The following TIMP4 variants were observed in gnomAD, a reference collection of about 807,000 sequenced individuals.
TIMP4 encodes metalloproteinase inhibitor 4.
A neutral mutation model predicts 27.3 loss-of-function variants in TIMP4; 28 were observed. The observed-to-expected ratio is 1.03, with a 90% CI of 0.76 to 1.41. The LOEUF (loss-of-function observed/expected upper bound fraction) is 1.41, where lower values mean the gene tolerates loss of function less well. Among genes scored for constraint, TIMP4 ranks in the 40% most tolerant of loss-of-function variants. TIMP4 has a pLI of 0.00. For synonymous variants in TIMP4, 138 were observed against 115.5 expected (o/e 1.20, Z -1.25); for missense variants, 307 against 285.5 (o/e 1.08, Z -0.54).
At chr3:12,154,848 G>A (rs1486188125) in intron 3 of TIMP4, among the ~76,000 whole-genome samples, 2 of 122,182 alleles carry the variant, frequency 1.6e-5, no homozygotes, top group African/African-American at 2.8e-5. Context: ...ATGAGAGATT[G>A]TCTATAAAGT....
At chr3:12,155,568 G>T (rs1411944182) in intron 3 of TIMP4, among the ~76,000 whole-genome samples, 1 of 152,168 alleles carries the variant, frequency 6.6e-6, no homozygotes, top group African/African-American at 2.4e-5. Flanking sequence ...AAAGTGAGGG[G>T]CTGGGAACTG....
Position 12,156,876 on chromosome 3 carries a change from G to A in TIMP4, c.296C>T (p.Ser99Phe). 6.2e-7 allele frequency: 1 copy of A among 1,614,224 alleles called. No individual in the cohort carries two copies. The change falls in exon 3 of 5, where the codon TCT (serine) becomes TTT (phenylalanine). Residue 99 changes from serine (S) to phenylalanine (F), a missense_variant. Transcript: ENST00000287814. ...TTCTAGTTTCACACCACAGAGGGAA[G>A]AGTCAAAAGGCGTATAGATATACTG... ...DVQYIYTPFDSSLCGVKLEAN... is the reference protein window; with the variant it reads ...DVQYIYTPFDFSLCGVKLEAN...
chr3:12,156,840 T>A lies in TIMP4; in HGVS notation c.332A>T (p.Gln111Leu). The A allele has an allele frequency of 6.2e-7, 1 of 1,614,186 alleles. No homozygotes were observed. Among genetic ancestry groups the A allele is most frequent in the Admixed American group, 1.7e-5 (1 of 60,034 alleles). ...LCGVKLEANS[Q>L]KQYLLTGQVL... is the part of the protein sequence containing the mutation. ...CTTACCAGTCAAGAGATACTGCTTC[T>A]GGCTGTTGGCTTCTAGTTTCACACC... Residue 111 changes from glutamine (Q) to leucine (L), a missense_variant, in exon 3 of 5, where the codon CAG becomes CTG. Transcript: ENST00000287814.
chr3:12,157,074 C>T (rs1697480179), intron 2 of TIMP4, 140 bp from the exon 3 acceptor site: 1 of 654,708 alleles, frequency 1.5e-6, no homozygotes, highest in South Asian at 2.0e-5. Context: ...GATGTCCCTA[C>T]TGGGTTATTT....
chr3:12,157,824 G>A (rs1378853553), intron 1 of TIMP4, among the ~76,000 whole-genome samples: 1 of 152,082 alleles, frequency 6.6e-6, no homozygotes, highest in East Asian at 1.9e-4. Flanking sequence ...CCCCTTCAGG[G>A]CAGTCGGTGT....
In TIMP4 at chr3:12,158,709, C is replaced by T. The variant is rs780231535; in HGVS notation, c.132G>A (p.Ser44=). Residue 44 remains serine (S), a synonymous_variant, in exon 1 of 5, where the codon TCG becomes TCA. Transcript: ENST00000287814. ...PAHPQQHICH[S]ALVIRAKISS... is the part of the protein sequence containing the mutation. ...CGCGGACCTCGGACTCACCAAGTGC[C>T]GAGTGGCAGATGTGCTGCTGAGGGT... The T allele has an allele frequency of 1.1e-5, 18 of 1,610,230 alleles. No individual in the cohort carries two copies. Among genetic ancestry groups the T allele is most frequent in the African/African-American group, 5.3e-5 (4 of 74,908 alleles).
At chr3:12,157,258 C>A in intron 2 of TIMP4, 127 bp downstream of exon 2, 1 of 832,762 alleles carries the variant, frequency 1.2e-6, no homozygotes. Flanking sequence ...CATCCAGTTC[C>A]ACTTCAGTAT....
chr3:12,156,806 G>C lies in TIMP4; in HGVS notation c.352+14C>G. On this transcript the variant is annotated intron_variant, in intron 3 of 4. Coordinates refer to ENST00000287814, the MANE Select transcript of TIMP4 (RefSeq NM_003256.4). The stretch of plus-strand genomic sequence containing the variant: ...TCTATTATATTAAGGCCAGTTGTTG[G>C]TCTTTTAACTTACCAGTCAAGAGAT... 1 of 1,599,940 alleles carries C rather than the reference G, an allele frequency of 6.3e-7. No individual in the cohort carries two copies. The highest frequency in any genetic ancestry group is 1.1e-5 in the South Asian group (1 of 90,752).
intron 3 of TIMP4, among the ~76,000 whole-genome samples, chr3:12,154,997 C>T (rs1301823934): frequency 6.7e-5 from 3 of 44,562 alleles, no homozygotes; most frequent in Non-Finnish European, 1.7e-4. Context: ...TAGGAAATTT[C>T]CCCCTTTTTA....
chr3:12,158,651 T>A (rs755844763), intron 1 of TIMP4, 51 bp downstream of exon 1: 1 of 1,602,920 alleles, frequency 6.2e-7, no homozygotes, highest in Non-Finnish European at 8.5e-7. Flanking sequence ...GGCCAGATAC[T>A]AATCCCCCAC....
chr3:12,157,557 G>A lies in TIMP4; in HGVS notation c.140-75C>T, dbSNP rs933497425. On this transcript the variant is annotated intron_variant, in intron 1 of 4. Coordinates refer to ENST00000287814, the MANE Select transcript of TIMP4 (RefSeq NM_003256.4). ...ACACCTGAGGTCTGGATGATCCAGG[G>A]TCCATGAAGAAGTCTATAGGGCAGT... 12 of 1,455,980 alleles carry A rather than the reference G, an allele frequency of 8.2e-6. No individual in the cohort carries two copies. The African/African-American group carries it at 1.7e-4, about 20-fold the overall frequency. 90.2% of individuals were successfully genotyped at this position (1,455,980 alleles called of 1,614,324 possible).
In TIMP4 at chr3:12,158,819, C is replaced by T. The variant is rs143705137; in HGVS notation, c.22G>A (p.Ala8Thr). The change falls in exon 1 of 5, where the codon GCG (alanine) becomes ACG (threonine). Residue 8 changes from alanine to threonine, a missense_variant. Ala to Thr is a moderately conservative substitution (Grantham distance 58, BLOSUM62 0). Coordinates refer to ENST00000287814, the MANE Select transcript of TIMP4 (RefSeq NM_003256.4). ...CGCAGCAACAGCACCCAGCTTGGCGCGGGCCGAGGGCTCCCAGGCATGACA... is the reference window on the plus strand; with the variant it reads ...CGCAGCAACAGCACCCAGCTTGGCGTGGGCCGAGGGCTCCCAGGCATGACA... MPGSPRP[A>T]PSWVLLLRLL... The T allele has an allele frequency of 8.6e-5, 137 of 1,595,254 alleles. No individual in the cohort carries two copies. The highest frequency in any genetic ancestry group is 1.1e-4 in the Non-Finnish European group (124 of 1,174,884).
chr3:12,157,546 G>A, intron 1 of TIMP4, 64 bp from the exon 2 acceptor site: 1 of 1,503,190 alleles, frequency 6.7e-7, no homozygotes, highest in Non-Finnish European at 9.2e-7. Context: ...CTGAGGTCTG[G>A]ATGATCCAGG....
At chr3:12,153,803 A>G in intron 4 of TIMP4, 91 bp from the exon 5 acceptor site, 1 of 1,360,180 alleles carries the variant, frequency 7.4e-7, no homozygotes, top group Non-Finnish European at 1.0e-6. Flanking sequence ...TTTCCAGCCC[A>G]TCTCAAATGC....
In TIMP4 at chr3:12,156,938, A is replaced by G. The variant is rs531019174; in HGVS notation, c.238-4T>C. The G allele has an allele frequency of 6.2e-7, 1 of 1,608,978 alleles. No homozygotes were observed. The highest frequency in any genetic ancestry group is 1.7e-5 in the Admixed American group (1 of 59,982). On this transcript the variant is annotated splice_region_variant and splice_polypyrimidine_tract_variant and intron_variant, in intron 2 of 4. Coordinates refer to ENST00000287814, the MANE Select transcript of TIMP4 (RefSeq NM_003256.4). The stretch of plus-strand genomic sequence containing the variant: ...CTTTCTCAAACCCTTTGAACATCTG[A>G]CAGGCAATTACAAAAAAAGGCAATA...
rs779990008 is a variant in TIMP4, at chr3:12,156,882, A to G, written c.290T>C (p.Phe97Ser). 3.1e-6 allele frequency: 5 copies of G among 1,614,208 alleles called. No homozygotes were observed. Among genetic ancestry groups the G allele is most frequent in the Non-Finnish European group, 3.4e-6 (4 of 1,180,034 alleles). Residue 97 changes from phenylalanine to serine, a missense_variant, in exon 3 of 5, where the codon TTT becomes TCT. Coordinates refer to ENST00000287814, the MANE Select transcript of TIMP4 (RefSeq NM_003256.4). ...TTTCACACCACAGAGGGAAGAGTCA[A>G]AAGGCGTATAGATATACTGAACATC... ...VKDVQYIYTP[F>S]DSSLCGVKLE...
At chr3:12,157,530 A>G (rs1322937355) in intron 1 of TIMP4, 48 bp from the exon 2 acceptor site, 2 of 1,568,300 alleles carry the variant, frequency 1.3e-6, no homozygotes, top group Non-Finnish European at 8.8e-7. Flanking sequence ...GGTGGGGGCA[A>G]TACACCTGAG....
At chr3:12,156,978 G>T in intron 2 of TIMP4, 44 bp from the exon 3 acceptor site, 1 of 1,397,860 alleles carries the variant, frequency 7.2e-7, no homozygotes, top group Non-Finnish European at 1.0e-6. Flanking sequence ...GTCAGTGAGT[G>T]TACTGTATAT....
chr3:12,157,337 T>G (rs780903025), intron 2 of TIMP4, 48 bp downstream of exon 2: 1 of 1,577,704 alleles, frequency 6.3e-7, no homozygotes. Flanking sequence ...AGACTCCACT[T>G]TCTCCATCAG....
Sources: allele counts gnomAD v4.1 joint callset (sites outside exome capture counted in the v4.1 genomes callset), GRCh38; gene constraint gnomAD v4.1.1; transcripts MANE v1.5; gene names NCBI Gene and HGNC (gene_info 2026-07-23, HGNC 2026-07-21).